Variants in PRKG2 observed in about 807,000 individuals in gnomAD.
PRKG2 encodes cGMP-dependent protein kinase 2.
In PRKG2, 33 loss-of-function variants were observed where a neutral mutation model predicts 97.2. The observed-to-expected ratio is 0.34, with a 90% CI of 0.26 to 0.45. The LOEUF is 0.45. Among genes scored for constraint, PRKG2 ranks in the 20% least tolerant of loss-of-function variants. The probability of loss-of-function intolerance (pLI) is 1.00; values close to 1 mark genes in which losing one functional copy is unlikely to be tolerated. For missense variants in PRKG2, 638 were observed against 900.0 expected (o/e 0.71, Z 3.73); for synonymous variants, 330 against 321.8 (o/e 1.03, Z -0.27).
intron 14 of PRKG2, among the ~76,000 whole-genome samples, chr4:81,112,535 A>G (rs1744093668): frequency 6.6e-6 from 1 of 152,188 alleles, no homozygotes; most frequent in South Asian, 2.1e-4. Flanking sequence ...CTTACCAGCT[A>G]TTTAGGAGAA....
chr4:81,185,675 CT>C (rs34376791), intron 2 of PRKG2, among the ~76,000 whole-genome samples: 34,689 of 152,038 alleles, frequency 0.23, 7,849 homozygotes, highest in African/African-American at 0.58. Flanking sequence ...AAGACACAGA[CT>C]TGGCAAACTG....
At chr4:81,152,641 G>C (rs1748527840) in intron 7 of PRKG2, among the ~76,000 whole-genome samples, 1 of 152,172 alleles carries the variant, frequency 6.6e-6, no homozygotes, top group Non-Finnish European at 1.5e-5. Context: ...TTTGTGGCTA[G>C]AGTTATTCCA....
intron 14 of PRKG2, among the ~76,000 whole-genome samples, chr4:81,129,279 T>C (rs1745918869): frequency 6.6e-6 from 1 of 152,170 alleles, no homozygotes; most frequent in Non-Finnish European, 1.5e-5. Flanking sequence ...GAAGAATAAA[T>C]ATTCTGTTGA....
At chr4:81,205,150 A>G (rs546113024) in intron 1 of PRKG2, 90 bp from the exon 2 acceptor site, 1 of 798,114 alleles carries the variant, frequency 1.3e-6, no homozygotes, top group Non-Finnish European at 1.9e-6. Context: ...TGTTTCATAA[A>G]TAGGAACACA....
intron 14 of PRKG2, among the ~76,000 whole-genome samples, chr4:81,125,139 A>C (rs1319195834): frequency 2.6e-5 from 4 of 152,166 alleles, no homozygotes; most frequent in African/African-American, 7.2e-5. Flanking sequence ...TATGCTATTT[A>C]ACCTTTATGC....
At chr4:81,103,018 A>G (rs1400206130) in intron 17 of PRKG2, among the ~76,000 whole-genome samples, 4 of 152,200 alleles carry the variant, frequency 2.6e-5, no homozygotes, top group Admixed American at 2.6e-4. Context: ...CATATTCTTA[A>G]AAGTAATTTT....
At chr4:81,172,985 A>G (rs879677062) in intron 3 of PRKG2, among the ~76,000 whole-genome samples, 7 of 152,128 alleles carry the variant, frequency 4.6e-5, no homozygotes, top group Non-Finnish European at 1.0e-4. Flanking sequence ...CTCATTAGCT[A>G]AATTCTATTC....
intron 2 of PRKG2, among the ~76,000 whole-genome samples, chr4:81,200,525 C>G (rs1753238256): frequency 6.6e-6 from 1 of 152,172 alleles, no homozygotes; most frequent in Non-Finnish European, 1.5e-5. Context: ...GACTGGTGCC[C>G]AGGCTGGTCT....
chr4:81,192,831 T>C (rs1250280247), intron 2 of PRKG2, among the ~76,000 whole-genome samples: 1 of 152,180 alleles, frequency 6.6e-6, no homozygotes, highest in African/African-American at 2.4e-5. Flanking sequence ...TTCATGCCCA[T>C]TTGAGGTGGC....
intron 14 of PRKG2, among the ~76,000 whole-genome samples, chr4:81,122,512 C>T (rs1445925166): frequency 3.3e-5 from 5 of 152,168 alleles, no homozygotes; most frequent in Admixed American, 2.6e-4. Flanking sequence ...CTTAATCCCT[C>T]ACCACAAACT....
intron 16 of PRKG2, 47 bp downstream of exon 16, chr4:81,105,766 C>A: frequency 2.5e-6 from 4 of 1,602,796 alleles, no homozygotes; most frequent in Non-Finnish European, 3.4e-6. Context: ...GAAACCGAAG[C>A]CTTTAGACTT....
intron 18 of PRKG2, among the ~76,000 whole-genome samples, chr4:81,092,016 T>C (rs935486530): frequency 6.6e-6 from 1 of 152,194 alleles, no homozygotes; most frequent in Non-Finnish European, 1.5e-5. Flanking sequence ...ATTATGATAA[T>C]TAAAATTATT....
chr4:81,165,664 G>C (rs1323162828), intron 6 of PRKG2, among the ~76,000 whole-genome samples: 1 of 152,132 alleles, frequency 6.6e-6, no homozygotes, highest in Non-Finnish European at 1.5e-5. Flanking sequence ...CTGTGCTGCT[G>C]TCTGCAAATG....
At chr4:81,122,983 T>C (rs1745211966) in intron 14 of PRKG2, among the ~76,000 whole-genome samples, 1 of 152,216 alleles carries the variant, frequency 6.6e-6, no homozygotes, top group Non-Finnish European at 1.5e-5. Flanking sequence ...TTTTGCTACT[T>C]GATGAAACTT....
At chr4:81,188,486 C>T (rs1418644673) in intron 2 of PRKG2, among the ~76,000 whole-genome samples, 1 of 143,464 alleles carries the variant, frequency 7.0e-6, no homozygotes, top group African/African-American at 2.9e-5. Context: ...GGATCTAGAA[C>T]TAGAAATACC....
intron 11 of PRKG2, among the ~76,000 whole-genome samples, chr4:81,141,002 G>A (rs1747224358): frequency 6.7e-6 from 1 of 149,454 alleles, no homozygotes; most frequent in Admixed American, 6.6e-5. Context: ...TGCTTTCAAA[G>A]CAAGATTTAT....
intron 14 of PRKG2, among the ~76,000 whole-genome samples, chr4:81,118,821 G>C (rs1022229764): frequency 3.3e-5 from 5 of 152,106 alleles, no homozygotes; most frequent in African/African-American, 1.2e-4. Flanking sequence ...TTGAGACAGG[G>C]TCTCACTCTG....
chr4:81,093,951 G>A (rs1302093047), intron 17 of PRKG2, among the ~76,000 whole-genome samples: 1 of 152,150 alleles, frequency 6.6e-6, no homozygotes, highest in South Asian at 2.1e-4. Flanking sequence ...CCAGCCAACC[G>A]ATATTTATGG....
At position 81,127,955 on chromosome 4, in the gene PRKG2, T is replaced by C. The variant is rs148149060; in HGVS notation, c.1776+7200A>G. On this transcript the variant is annotated intron_variant, in intron 14 of 18. Coordinates refer to ENST00000264399, the MANE Select transcript of PRKG2 (RefSeq NM_006259.3). ...CAGCTTTTGTCCATTCAGTATGATATAGGCTGTGGGTTTGTCATAAATAGC... is the reference window on the plus strand; with the variant it reads ...CAGCTTTTGTCCATTCAGTATGATACAGGCTGTGGGTTTGTCATAAATAGC... 2.0e-5 allele frequency among the ~76,000 whole-genome samples: 3 copies of C among 152,226 alleles called. No individual in the cohort carries two copies. The East Asian group carries it at 5.8e-4, about 29-fold the overall frequency.
Sources: allele counts gnomAD v4.1 joint callset (sites outside exome capture counted in the v4.1 genomes callset), GRCh38; gene constraint gnomAD v4.1.1; transcripts MANE v1.5; gene names NCBI Gene and HGNC (gene_info 2026-07-23, HGNC 2026-07-21).